Variants in ASB2 observed in about 807,000 individuals in gnomAD.
The protein encoded by ASB2 is ankyrin repeat and SOCS box containing 2, also known as ankyrin repeat and SOCS box protein 2.
In ASB2, 58 loss-of-function variants were observed where a neutral mutation model predicts 62.4. The ratio of observed to expected loss-of-function variants is 0.93; its 90% CI spans 0.75 to 1.16. The LOEUF (loss-of-function observed/expected upper bound fraction) is 1.16, where lower values mean the gene tolerates loss of function less well. ASB2 is among the 50% of genes most tolerant of loss of function. The pLI is 0.00. For synonymous variants in ASB2, 386 were observed against 385.3 expected (o/e 1.00, Z -0.02); for missense variants, 928 against 887.9 (o/e 1.05, Z -0.57).
intron 1 of ASB2, among the ~76,000 whole-genome samples, chr14:93,967,338 C>G (rs1309826410): frequency 6.6e-6 from 1 of 151,242 alleles, no homozygotes; most frequent in African/African-American, 2.4e-5. Context: ...GGTATGACAC[C>G]CTTCTCTTCT....
chr14:93,959,826 G>T (rs1889347265), intron 2 of ASB2, among the ~76,000 whole-genome samples: 2 of 152,236 alleles, frequency 1.3e-5, no homozygotes, highest in Non-Finnish European at 2.9e-5. Flanking sequence ...AAGAAGCCCA[G>T]GTCAGCCCCA....
At chr14:93,954,020 G>T (rs2141296418) in intron 4 of ASB2, among the ~76,000 whole-genome samples, 1 of 152,288 alleles carries the variant, frequency 6.6e-6, no homozygotes, top group South Asian at 2.1e-4. Context: ...CACCAAATCA[G>T]CCCCTGGGAC....
chr14:93,965,288 C>A (rs115603328), intron 1 of ASB2, among the ~76,000 whole-genome samples: 64 of 152,350 alleles, frequency 4.2e-4, no homozygotes, highest in African/African-American at 1.5e-3. Context: ...AACGATGATT[C>A]CAACAGACAA....
At position 93,955,214 on chromosome 14, in the gene ASB2, G is replaced by A. The variant is rs143931726; in HGVS notation, c.312-731C>T. The A allele has an allele frequency of 1.4e-3, 643 of 455,162 alleles. 2 individuals are homozygous for A. The highest frequency in any genetic ancestry group is 0.011 in the African/African-American group (568 of 50,142). 28.2% of individuals were successfully genotyped at this position (455,162 alleles called of 1,614,324 possible). ...CCATTTCCCAGATGGAGAAGGTGAG[G>A]CTGGAGGCAGGCCTCATTCCCAGGA... On this transcript the variant is annotated intron_variant, in intron 3 of 9. Coordinates refer to ENST00000555019, the MANE Select transcript of ASB2 (RefSeq NM_001202429.2).
chr14:93,934,418 T>C lies in ASB2; in HGVS notation c.*238A>G. ...GCCATTCCTGAAGGTAGAGAAGGTC[T>C]GGGATCTGCTCATCAGTTTGTAAAC... On this transcript the variant is annotated 3_prime_UTR_variant, in exon 10 of 10. Transcript: ENST00000555019. 1.9e-6 allele frequency: 1 copy of C among 535,718 alleles called. No homozygotes were observed. The highest frequency in any genetic ancestry group is 3.4e-6 in the Non-Finnish European group (1 of 297,220). The allele number at this position is 535,718 out of a possible 1,614,324, so 33.2% of individuals were successfully genotyped here. A position where few individuals can be genotyped will look rare whatever the true frequency, so the allele number is the denominator to read the frequency against.
intron 1 of ASB2, among the ~76,000 whole-genome samples, chr14:93,975,037 C>T (rs1889873514): frequency 6.6e-6 from 1 of 152,240 alleles, no homozygotes; most frequent in Admixed American, 6.5e-5. Context: ...ATGGGCCTGC[C>T]ACCAGCTGTC....
chr14:93,954,795 C>T (rs1015825892), intron 3 of ASB2, among the ~76,000 whole-genome samples: 5 of 152,188 alleles, frequency 3.3e-5, no homozygotes, highest in Admixed American at 3.3e-4. Flanking sequence ...TAAATGCTTT[C>T]CCTGAGTATA....
intron 2 of ASB2, among the ~76,000 whole-genome samples, chr14:93,963,765 T>G (rs1889486892): frequency 6.6e-6 from 1 of 152,242 alleles, no homozygotes; most frequent in African/African-American, 2.4e-5. Flanking sequence ...TTCACCTGTT[T>G]CTCTTTACTT....
chr14:93,955,745 C>G (rs1446047048), intron 3 of ASB2, among the ~76,000 whole-genome samples: 2 of 152,196 alleles, frequency 1.3e-5, no homozygotes, highest in Non-Finnish European at 2.9e-5. Context: ...TCTCCATGAC[C>G]TCAGGCAAAG....
intron 1 of ASB2, among the ~76,000 whole-genome samples, chr14:93,974,458 A>G (rs1889852032): frequency 6.6e-6 from 1 of 152,238 alleles, no homozygotes; most frequent in South Asian, 2.1e-4. Context: ...AAATGGAAGG[A>G]CACTGGGCAG....
chr14:93,975,360 G>A (rs1007035034), intron 1 of ASB2, among the ~76,000 whole-genome samples: 6 of 152,164 alleles, frequency 3.9e-5, no homozygotes, highest in Admixed American at 6.5e-5. Flanking sequence ...AAGAGCCACC[G>A]AAGCCAAATC....
intron 1 of ASB2, among the ~76,000 whole-genome samples, chr14:93,965,428 A>G (rs1028339917): frequency 6.6e-6 from 1 of 152,244 alleles, no homozygotes; most frequent in Admixed American, 6.5e-5. Context: ...ACACAGACCC[A>G]TTACTTCAAA....
intron 7 of ASB2, among the ~76,000 whole-genome samples, chr14:93,946,610 T>A (rs1237018718): frequency 3.3e-5 from 5 of 152,234 alleles, no homozygotes; most frequent in Non-Finnish European, 7.3e-5. Flanking sequence ...CACCTCTGCC[T>A]CTAGCCCCGG....
intron 6 of ASB2, among the ~76,000 whole-genome samples, chr14:93,949,557 C>A (rs1367939327): frequency 6.6e-6 from 1 of 152,208 alleles, no homozygotes; most frequent in Non-Finnish European, 1.5e-5. Flanking sequence ...CTTCGTCCTG[C>A]CTCCGGCCTG....
At chr14:93,951,382 C>T (rs1246209756) in intron 5 of ASB2, 138 bp from the exon 6 acceptor site, 1 of 1,027,668 alleles carries the variant, frequency 9.7e-7, no homozygotes, top group South Asian at 1.6e-5. Flanking sequence ...CCAATCCCTG[C>T]ATTGAACCTG....
At chr14:93,955,308 C>A (rs1478231790) in intron 3 of ASB2, 5 of 372,258 alleles carry the variant, frequency 1.3e-5, no homozygotes, top group Admixed American at 3.5e-5. Flanking sequence ...ACTCTCCCAG[C>A]CACTTCCTCC....
chr14:93,969,390 G>A (rs190795762), intron 1 of ASB2, among the ~76,000 whole-genome samples: 1 of 152,342 alleles, frequency 6.6e-6, no homozygotes, highest in Admixed American at 6.5e-5. Context: ...TTAGCCGGGA[G>A]AGCCTCTGGA....
chr14:93,964,249 G>A (rs1358796841), intron 2 of ASB2, 85 bp downstream of exon 2: 2 of 1,209,430 alleles, frequency 1.7e-6, no homozygotes, highest in East Asian at 5.1e-5. Flanking sequence ...AGGATACCGT[G>A]GTTTTGGATT....
Position 93,939,525 on chromosome 14 carries a change from G to C in ASB2, c.1200C>G (p.Ala400=), listed in dbSNP as rs10873442. 1,318,657 of 1,603,842 alleles carry C rather than the reference G, an allele frequency of 0.82. 544,200 individuals carry two copies. The highest frequency in any genetic ancestry group is 0.88 in the Middle Eastern group (5,306 of 6,020). Residue 400 remains alanine, a synonymous_variant, in exon 8 of 10, where the codon GCC becomes GCG. Transcript: ENST00000555019. ...CTTCGTAGAGGCGCGCGCGCTCGGG[G>C]GCCAGCGGCGTGTTCACGTCGAAGC... ...SARFDVNTPL[A]PERARLYEDR...
Sources: gnomAD v4.1 joint callset for allele counts (sites outside exome capture counted in the v4.1 genomes callset) on GRCh38, gnomAD v4.1.1 for gene constraint, MANE v1.5 for transcripts, NCBI Gene and HGNC (gene_info 2026-07-23, HGNC 2026-07-21) for gene names.